Variants in WFDC8 observed in about 807,000 individuals in gnomAD.
WFDC8 encodes WAP four-disulfide core domain protein 8.
In WFDC8, 24 loss-of-function variants were observed where a neutral mutation model predicts 27.0. The ratio of observed to expected loss-of-function variants is 0.89; its 90% CI spans 0.64 to 1.25. WFDC8 has a LOEUF of 1.25. Ranked by LOEUF, WFDC8 falls within the 50% of genes most tolerant of loss-of-function variation. The pLI, the probability that WFDC8 is intolerant of heterozygous loss-of-function variation, is 0.00. For synonymous variants in WFDC8, 106 were observed against 99.7 expected (o/e 1.06, Z -0.38); for missense variants, 287 against 295.9 (o/e 0.97, Z 0.22).
intron 1 of WFDC8, 127 bp downstream of exon 1, chr20:45,579,095 A>G: frequency 2.0e-5 from 15 of 755,614 alleles, no homozygotes; most frequent in South Asian, 3.1e-5. Context: ...GTTCTGTGGA[A>G]CCCCTCCTCA....
At chr20:45,565,655 TGTGA>T (rs1980651517) in intron 1 of WFDC8, among the ~76,000 whole-genome samples, 1 of 152,152 alleles carries the variant, frequency 6.6e-6, no homozygotes, top group Admixed American at 6.5e-5. Context: ...GGAAAGAAAG[TGTGA>T]GTAAGAAATA....
intron 3 of WFDC8, among the ~76,000 whole-genome samples, chr20:45,556,419 G>A (rs1209976456): frequency 7.5e-6 from 1 of 133,562 alleles, no homozygotes; most frequent in Non-Finnish European, 1.7e-5. Flanking sequence ...TTGAAAATGG[G>A]TCGTAAAGCA....
In WFDC8 at chr20:45,576,491, C is replaced by A. The variant is rs536227267; in HGVS notation, c.26+2731G>T. Reference sequence around the variant, plus strand: ...CTTGGCTCACTCCAACCTCCCTCTCCTGGGTTCAAATGATTCTTGTGCCTC... The same window carrying A: ...CTTGGCTCACTCCAACCTCCCTCTCATGGGTTCAAATGATTCTTGTGCCTC... On this transcript the variant is annotated intron_variant, in intron 1 of 5. Coordinates refer to ENST00000289953, the MANE Select transcript of WFDC8 (RefSeq NM_130896.3). Among the ~76,000 whole-genome samples the A allele has an allele frequency of 2.6e-5, 4 of 151,496 alleles. No individual in the cohort carries two copies. In the South Asian group the frequency reaches 8.4e-4, roughly 32 times the overall value.
chr20:45,553,496 TC>T (rs1253845113), intron 4 of WFDC8, among the ~76,000 whole-genome samples: 1 of 152,164 alleles, frequency 6.6e-6, no homozygotes, highest in African/African-American at 2.4e-5. Flanking sequence ...CATGGTAAAG[TC>T]CCAGTCCTGC....
intron 2 of WFDC8, among the ~76,000 whole-genome samples, chr20:45,560,855 C>G (rs1166484379): frequency 6.6e-6 from 1 of 152,182 alleles, no homozygotes; most frequent in Admixed American, 6.5e-5. Context: ...TCAAAATCAT[C>G]TATGCATCTT....
chr20:45,564,018 T>C (rs1423936577), intron 1 of WFDC8, among the ~76,000 whole-genome samples: 1 of 152,280 alleles, frequency 6.6e-6, no homozygotes, highest in African/African-American at 2.4e-5. Context: ...GATGTTTATC[T>C]GACATTCAAA....
At chr20:45,551,739 T>C, downstream of WFDC8, 1 of 266,156 alleles carries the variant, frequency 3.8e-6, no homozygotes, top group Non-Finnish European at 7.0e-6. Flanking sequence ...CCATTGACTT[T>C]AAAATAAGGA....
chr20:45,569,062 C>T (rs1260368377), intron 1 of WFDC8, among the ~76,000 whole-genome samples: 2 of 152,210 alleles, frequency 1.3e-5, no homozygotes, highest in Admixed American at 6.5e-5. Context: ...GCCTTTAACT[C>T]TTCCTTTATT....
At chr20:45,553,671 G>T (rs1207009367) in intron 4 of WFDC8, among the ~76,000 whole-genome samples, 1 of 152,136 alleles carries the variant, frequency 6.6e-6, no homozygotes, top group Non-Finnish European at 1.5e-5. Flanking sequence ...GTTTTGAAAG[G>T]GTCATTGTGA....
chr20:45,574,492 T>C lies in WFDC8; in HGVS notation c.26+4730A>G, dbSNP rs977466663. Among the ~76,000 whole-genome samples, 4 of 149,370 alleles carry C rather than the reference T, an allele frequency of 2.7e-5. No individual in the cohort carries two copies. The East Asian group carries it at 7.8e-4, about 29-fold the overall frequency. ...AAGATCAGCAAATTGTATTCAACAG[T>C]ACATTAAAAGGATCATTCACAGCCA... On this transcript the variant is annotated intron_variant, in intron 1 of 5. Transcript: ENST00000289953.
chr20:45,555,315 C>G (rs1008920516), intron 4 of WFDC8, among the ~76,000 whole-genome samples: 10 of 152,168 alleles, frequency 6.6e-5, no homozygotes, highest in Non-Finnish European at 1.5e-4. Flanking sequence ...CATGGGATTC[C>G]AGAGCTGGCC....
At chr20:45,561,007 T>C (rs1463463141) in intron 2 of WFDC8, among the ~76,000 whole-genome samples, 1 of 152,216 alleles carries the variant, frequency 6.6e-6, no homozygotes, top group Non-Finnish European at 1.5e-5. Flanking sequence ...ACCATTGTTC[T>C]AGGTTTAGGC....
chr20:45,555,562 C>A, intron 4 of WFDC8, 139 bp downstream of exon 4: 1 of 942,040 alleles, frequency 1.1e-6, no homozygotes. Context: ...GGCAACTGGC[C>A]CAAGACCTCC....
intron 2 of WFDC8, among the ~76,000 whole-genome samples, chr20:45,561,669 G>C (rs1980471847): frequency 6.6e-6 from 1 of 151,800 alleles, no homozygotes; most frequent in Admixed American, 6.6e-5. Context: ...TACTGCAGCA[G>C]CCTCCTCACT....
intron 4 of WFDC8, 23 bp from the exon 5 acceptor site, chr20:45,553,299 C>G (rs1421161226): frequency 6.2e-7 from 1 of 1,603,518 alleles, no homozygotes; most frequent in Non-Finnish European, 8.5e-7. Flanking sequence ...CAGATGTGAG[C>G]TTCTTAAAAC....
At chr20:45,562,813 C>G (rs905529137) in intron 1 of WFDC8, among the ~76,000 whole-genome samples, 5 of 152,192 alleles carry the variant, frequency 3.3e-5, no homozygotes, top group African/African-American at 1.2e-4. Context: ...CCCGCCTACT[C>G]AAGCCCCCAT....
At chr20:45,558,827 C>G (rs775335178) in intron 3 of WFDC8, 25 bp downstream of exon 3, 3 of 1,613,674 alleles carry the variant, frequency 1.9e-6, no homozygotes, top group Non-Finnish European at 1.7e-6. Context: ...TGGGGAACCT[C>G]TGTCCTCAGC....
At chr20:45,556,167 T>C (rs1445919745) in intron 3 of WFDC8, among the ~76,000 whole-genome samples, 2 of 152,246 alleles carry the variant, frequency 1.3e-5, no homozygotes, top group African/African-American at 4.8e-5. Flanking sequence ...GGGCAAGACT[T>C]GTTCAGCAAC....
chr20:45,562,065 A>G (rs1243696112), intron 2 of WFDC8, 45 bp downstream of exon 2: 4 of 1,570,854 alleles, frequency 2.5e-6, no homozygotes, highest in East Asian at 2.3e-5. Flanking sequence ...CTCATCCCCA[A>G]TAATGCTTTC....
Sources: gnomAD v4.1 joint callset for allele counts (sites outside exome capture counted in the v4.1 genomes callset) on GRCh38, gnomAD v4.1.1 for gene constraint, MANE v1.5 for transcripts, NCBI Gene and HGNC (gene_info 2026-07-23, HGNC 2026-07-21) for gene names.